FAR2: variants seen among roughly 807,000 people sequenced by gnomAD.
FAR2 encodes epididymis secretory protein Li 81.
In FAR2, 19 loss-of-function variants were observed where a neutral mutation model predicts 56.0. That is an observed-to-expected ratio of 0.34 (90% CI 0.24 to 0.50). FAR2 has a LOEUF of 0.50. FAR2 is among the 20% of genes least tolerant of loss of function. The pLI, the probability that FAR2 is intolerant of heterozygous loss-of-function variation, is 0.98. For synonymous variants in FAR2, 219 were observed against 218.8 expected (o/e 1.00, Z -0.01); for missense variants, 508 against 642.2 (o/e 0.79, Z 2.26).
chr12:29,212,933 G>A (rs1161709237), intron 1 of FAR2, among the ~76,000 whole-genome samples: 1 of 152,084 alleles, frequency 6.6e-6, no homozygotes, highest in African/African-American at 2.4e-5. Flanking sequence ...CACAAAATAA[G>A]GGCTAAATAA....
At chr12:29,228,616 C>T (rs746019167) in intron 1 of FAR2, among the ~76,000 whole-genome samples, 31 of 152,090 alleles carry the variant, frequency 2.0e-4, no homozygotes, top group Non-Finnish European at 7.4e-5. Context: ...ACAGTCGAGT[C>T]TGGCTCTATC....
chr12:29,215,871 C>G (rs1947615641), intron 1 of FAR2, among the ~76,000 whole-genome samples: 1 of 152,130 alleles, frequency 6.6e-6, no homozygotes, highest in Non-Finnish European at 1.5e-5. Flanking sequence ...CCCTTACTCT[C>G]ATTGAGTTTG....
intron 1 of FAR2, among the ~76,000 whole-genome samples, chr12:29,221,911 G>A (rs1173394694): frequency 6.6e-6 from 1 of 152,060 alleles, no homozygotes; most frequent in Non-Finnish European, 1.5e-5. Flanking sequence ...ACAGTGGCAT[G>A]ATCTTGGCCC....
chr12:29,172,863 A>G (rs1023115500), intron 1 of FAR2, among the ~76,000 whole-genome samples: 1 of 152,134 alleles, frequency 6.6e-6, no homozygotes, highest in African/African-American at 2.4e-5. Flanking sequence ...ACAGGTCAAC[A>G]GATGTTTTTG....
At chr12:29,190,322 GA>G (rs34089199) in intron 1 of FAR2, among the ~76,000 whole-genome samples, 1 of 146,708 alleles carries the variant, frequency 6.8e-6, no homozygotes, top group Admixed American at 6.7e-5. Context: ...AGTGATGACA[GA>G]AAAAAAAAAA....
chr12:29,219,897 C>T (rs1329068378), intron 1 of FAR2, among the ~76,000 whole-genome samples: 1 of 152,060 alleles, frequency 6.6e-6, no homozygotes, highest in Non-Finnish European at 1.5e-5. Context: ...AAAAGAGAAA[C>T]ATTCAAGCCA....
intron 1 of FAR2, among the ~76,000 whole-genome samples, chr12:29,220,188 G>C (rs890762828): frequency 6.6e-6 from 1 of 152,090 alleles, no homozygotes; most frequent in Admixed American, 6.5e-5. Flanking sequence ...TCAATTTTTC[G>C]TTAAGACCTC....
intron 10 of FAR2, among the ~76,000 whole-genome samples, chr12:29,326,872 T>C (rs1232770910): frequency 6.6e-6 from 1 of 152,102 alleles, no homozygotes; most frequent in African/African-American, 2.4e-5. Context: ...TCACCACTCC[T>C]ATTCAACATA....
intron 1 of FAR2, among the ~76,000 whole-genome samples, chr12:29,262,095 A>G (rs1948429001): frequency 6.6e-6 from 1 of 152,168 alleles, no homozygotes; most frequent in Admixed American, 6.5e-5. Flanking sequence ...ACAAATAATA[A>G]CTCCAACAAT....
At chr12:29,175,306 G>C (rs1162578625) in intron 1 of FAR2, among the ~76,000 whole-genome samples, 2 of 152,190 alleles carry the variant, frequency 1.3e-5, no homozygotes. Flanking sequence ...GAGTGTTACA[G>C]CTCTTAAAGG....
chr12:29,194,473 G>T lies in FAR2; in HGVS notation c.-39+45066G>T, dbSNP rs910339832. ...GTATTGTGGCTAGTCCATAAAGTTGGAACAGACCTCCATCCAAAATTTGAT... is the reference window on the plus strand; with the variant it reads ...GTATTGTGGCTAGTCCATAAAGTTGTAACAGACCTCCATCCAAAATTTGAT... On this transcript the variant is annotated intron_variant, in intron 1 of 11. Coordinates refer to ENST00000536681, the MANE Select transcript of FAR2 (RefSeq NM_001271783.2). 3.4e-5 allele frequency among the ~76,000 whole-genome samples: 5 copies of T among 149,006 alleles called. No homozygotes were observed. The East Asian group carries it at 8.1e-4, about 24-fold the overall frequency.
intron 1 of FAR2, among the ~76,000 whole-genome samples, chr12:29,155,792 A>G (rs910580052): frequency 6.6e-6 from 1 of 152,166 alleles, no homozygotes; most frequent in African/African-American, 2.4e-5. Flanking sequence ...ATCCTAATAT[A>G]TTTACCTTGT....
chr12:29,170,645 T>C (rs1053648264), intron 1 of FAR2, among the ~76,000 whole-genome samples: 3 of 151,192 alleles, frequency 2.0e-5, no homozygotes, highest in African/African-American at 7.3e-5. Flanking sequence ...GTCTCTCTCT[T>C]TCTCTCTCTC....
chr12:29,320,592 G>A (rs1949534462), intron 9 of FAR2, among the ~76,000 whole-genome samples: 2 of 152,296 alleles, frequency 1.3e-5, no homozygotes, highest in Admixed American at 6.5e-5. Flanking sequence ...AATCACTACT[G>A]CCAAGACTGG....
At chr12:29,283,807 A>T (rs1948825884) in intron 2 of FAR2, among the ~76,000 whole-genome samples, 1 of 152,212 alleles carries the variant, frequency 6.6e-6, no homozygotes, top group South Asian at 2.1e-4. Flanking sequence ...TGCTCATGTA[A>T]TTATGAACCA....
At chr12:29,224,547 T>C (rs1182128364) in intron 1 of FAR2, among the ~76,000 whole-genome samples, 1 of 152,260 alleles carries the variant, frequency 6.6e-6, no homozygotes, top group Admixed American at 6.5e-5. Flanking sequence ...CATTCCATCT[T>C]GTCCCTGACT....
chr12:29,252,278 CA>C (rs1471380254), intron 1 of FAR2, among the ~76,000 whole-genome samples: 1 of 152,112 alleles, frequency 6.6e-6, no homozygotes. Flanking sequence ...TGCAATGACC[CA>C]ACCCAGGCAG....
intron 3 of FAR2, 167 bp downstream of exon 3, chr12:29,293,642 G>A (rs1418786009): frequency 8.1e-6 from 4 of 496,574 alleles, no homozygotes; most frequent in Non-Finnish European, 1.3e-5. Flanking sequence ...CTATTGTGGA[G>A]AATATTCACT....
chr12:29,222,505 G>A (rs1435284106), intron 1 of FAR2, among the ~76,000 whole-genome samples: 1 of 152,056 alleles, frequency 6.6e-6, no homozygotes, highest in Non-Finnish European at 1.5e-5. Flanking sequence ...CTTGCTTAAG[G>A]TATCAAGGAA....
Sources: gnomAD v4.1 joint callset for allele counts (sites outside exome capture counted in the v4.1 genomes callset) on GRCh38, gnomAD v4.1.1 for gene constraint, MANE v1.5 for transcripts, NCBI Gene and HGNC (gene_info 2026-07-23, HGNC 2026-07-21) for gene names.